CFAP46: variants seen among roughly 807,000 people sequenced by gnomAD.
The protein encoded by CFAP46 is cilia- and flagella-associated protein 46.
In CFAP46, 245 loss-of-function variants were observed where a neutral mutation model predicts 325.7. That is an observed-to-expected ratio of 0.75 (90% confidence interval 0.68 to 0.84). The LOEUF (loss-of-function observed/expected upper bound fraction) is 0.84. CFAP46 is among the 40% of genes least tolerant of loss of function. CFAP46 has a pLI of 0.00. For synonymous variants in CFAP46, 1,523 were observed against 1,495.9 expected, an observed-to-expected ratio of 1.02 and a Z score of -0.42; for missense variants, 3,346 against 3,543.0, an observed-to-expected ratio of 0.94 and a Z score of 1.41.
At position 132,846,242 on chromosome 10, in the gene CFAP46, G is replaced by A; in HGVS notation, c.6268-15C>T. ...GCCGAGCAGCTCTGAAAGGGAGCAG[G>A]GGAGGTGTACCAGGGGCCCGAGGCC... On this transcript the variant is annotated splice_polypyrimidine_tract_variant and intron_variant, in intron 43 of 57. Transcript: ENST00000368586. 1.2e-6 allele frequency: 2 copies of A among 1,609,788 alleles called. No homozygotes were observed. The highest frequency in any genetic ancestry group is 1.7e-6 in the Non-Finnish European group (2 of 1,178,770).
intron 23 of CFAP46, 46 bp from the exon 24 acceptor site, chr10:132,899,167 C>A: frequency 6.6e-7 from 1 of 1,520,228 alleles, no homozygotes; most frequent in Non-Finnish European, 8.8e-7. Context: ...CTGGGCCCAC[C>A]TGGAGCTGCT....
chr10:132,841,239 G>T (rs1327648718), intron 44 of CFAP46, among the ~76,000 whole-genome samples: 1 of 152,334 alleles, frequency 6.6e-6, no homozygotes, highest in Middle Eastern at 3.4e-3. Flanking sequence ...CTCTACTTCC[G>T]ACATACAGCG....
rs1191852690 is a variant in CFAP46 at position 132,828,425 on chromosome 10, C to T, written c.7117+4933G>A. On this transcript the variant is annotated intron_variant, in intron 50 of 57. Coordinates refer to ENST00000368586, the MANE Select transcript of CFAP46 (RefSeq NM_001200049.3). The surrounding 1 kb of genome is among the most constrained non-coding windows in gnomAD (Gnocchi z 4.9). ...GTGCAGGGGTATTCCATTGTGGTTTCCATTTGCATTTCCTTGATAATTAAT... is the reference window on the plus strand; with the variant it reads ...GTGCAGGGGTATTCCATTGTGGTTTTCATTTGCATTTCCTTGATAATTAAT... Among the ~76,000 whole-genome samples, 2 of 152,076 alleles carry T rather than the reference C, an allele frequency of 1.3e-5. No individual in the cohort carries two copies. Among genetic ancestry groups the T allele is most frequent in the East Asian group, 1.9e-4 (1 of 5,182 alleles).
At chr10:132,940,909 G>T in intron 4 of CFAP46, 87 bp downstream of exon 4, 5 of 1,338,290 alleles carry the variant, frequency 3.7e-6, no homozygotes, top group Non-Finnish European at 3.2e-6. Context: ...AAACCCCACA[G>T]TTCAAATAAA....
chr10:132,814,667 G>A lies in CFAP46; in HGVS notation c.7249+19C>T, dbSNP rs776163799. On this transcript the variant is annotated intron_variant, in intron 52 of 57. Transcript: ENST00000368586. Reference sequence around the variant, plus strand: ...ACAGGGCGGGGTCTGGGGCCCCCCCGGGGCCCATCAAAGGATACACTTGAA... The same window carrying A: ...ACAGGGCGGGGTCTGGGGCCCCCCCAGGGCCCATCAAAGGATACACTTGAA... 7.1e-5 allele frequency: 112 copies of A among 1,586,882 alleles called. No homozygotes were observed. Among genetic ancestry groups the A allele is most frequent in the Admixed American group, 3.7e-4 (20 of 54,298 alleles).
chr10:132,908,275 T>C (rs1849487208), intron 22 of CFAP46, 193 bp downstream of exon 22: 1 of 642,954 alleles, frequency 1.6e-6, no homozygotes, highest in South Asian at 1.9e-5. Context: ...AGGCCCGCGC[T>C]CCCTGCCCGT....
At chr10:132,899,474 A>G in intron 23 of CFAP46, 61 bp downstream of exon 23, 1 of 1,483,842 alleles carries the variant, frequency 6.7e-7, no homozygotes, top group Non-Finnish European at 9.0e-7. Flanking sequence ...CTTGGTGAGC[A>G]CAGGGGTCCC....
chr10:132,910,215 G>T (rs771077706), intron 19 of CFAP46, 147 bp from the exon 20 acceptor site: 91 of 702,674 alleles, frequency 1.3e-4, no homozygotes, highest in Non-Finnish European at 1.7e-4. Context: ...CCCACCAGCG[G>T]CTGCACCACA....
At chr10:132,859,358 A>C (rs1848693087) in intron 37 of CFAP46, 111 bp from the exon 38 acceptor site, 3 of 868,544 alleles carry the variant, frequency 3.5e-6, no homozygotes, top group Non-Finnish European at 5.1e-6. Flanking sequence ...TGCTCGGAGA[A>C]ACGCTTTCGG....
chr10:132,844,111 A>G (rs1473479489), intron 44 of CFAP46, among the ~76,000 whole-genome samples: 1 of 119,596 alleles, frequency 8.4e-6, no homozygotes, highest in Non-Finnish European at 1.7e-5. Flanking sequence ...GGGTGTTCCC[A>G]GGGTGCTGTG....
At chr10:132,860,588 G>A in intron 36 of CFAP46, 65 bp from the exon 37 acceptor site, 1 of 1,290,276 alleles carries the variant, frequency 7.8e-7, no homozygotes, top group Non-Finnish European at 1.1e-6. Flanking sequence ...ACAGGCCTGA[G>A]GACGGGCGGG....
intron 50 of CFAP46, among the ~76,000 whole-genome samples, chr10:132,826,565 CA>C (rs1848058241): frequency 2.4e-5 from 3 of 127,264 alleles, no homozygotes; most frequent in Admixed American, 7.6e-5. Context: ...GCCGGAGCCA[CA>C]GAGACCAGCC....
intron 8 of CFAP46, among the ~76,000 whole-genome samples, chr10:132,932,258 C>A: frequency 6.8e-6 from 1 of 147,976 alleles, no homozygotes; most frequent in South Asian, 2.2e-4. Flanking sequence ...CCTTCCTCCT[C>A]CCCACACAGA....
chr10:132,849,298 G>A (rs1848495582), intron 41 of CFAP46, among the ~76,000 whole-genome samples: 1 of 152,228 alleles, frequency 6.6e-6, no homozygotes, highest in South Asian at 2.1e-4. Flanking sequence ...CAATTCACTC[G>A]AGGTACATCA....
chr10:132,834,620 G>C (rs754198854), intron 48 of CFAP46, 34 bp downstream of exon 48: 1 of 1,609,594 alleles, frequency 6.2e-7, no homozygotes, highest in Non-Finnish European at 8.5e-7. Context: ...GCGTGAGCGT[G>C]GTGGGGTGCC....
intron 48 of CFAP46, among the ~76,000 whole-genome samples, chr10:132,834,364 C>A (rs1165788060): frequency 1.3e-5 from 2 of 152,194 alleles, no homozygotes; most frequent in Admixed American, 6.5e-5. Flanking sequence ...TTCCTTCCCA[C>A]CCCAAATCAA....
At chr10:132,859,413 C>T (rs988185016) in intron 37 of CFAP46, among the ~76,000 whole-genome samples, 166 bp from the exon 38 acceptor site, 1 of 152,132 alleles carries the variant, frequency 6.6e-6, no homozygotes, top group East Asian at 1.9e-4. Flanking sequence ...ATTCTGTGAT[C>T]GCATGTGATA....
Position 132,899,231 on chromosome 10 carries a change from C to T in CFAP46, c.3057-110G>A, listed in dbSNP as rs530005627. On this transcript the variant is annotated intron_variant, in intron 23 of 57. Transcript: ENST00000368586. ...CCCAGGGCCCAGCCACACGCTCGCT[C>T]CCTCCTGGGCATGTGGCTTGCTCAG... is the stretch of plus-strand genomic sequence containing the variant. 729 of 1,216,162 alleles carry T rather than the reference C, an allele frequency of 6.0e-4. 12 individuals are homozygous for T. In the South Asian group the frequency reaches 0.01, roughly 17 times the overall value. 75.3% of individuals were successfully genotyped at this position (1,216,162 alleles called of 1,614,324 possible).
intron 39 of CFAP46, among the ~76,000 whole-genome samples, chr10:132,852,754 T>C (rs1848579755): frequency 6.6e-6 from 1 of 152,268 alleles, no homozygotes; most frequent in Admixed American, 6.5e-5. Context: ...TTTTTCTCAG[T>C]TATCTTTTGT....
Sources: gnomAD v4.1 joint callset for allele counts (sites outside exome capture counted in the v4.1 genomes callset) on GRCh38, gnomAD v4.1.1 for gene constraint, Gnocchi (gnomAD v3.1) non-coding constraint, MANE v1.5 for transcripts, NCBI Gene and HGNC (gene_info 2026-07-23, HGNC 2026-07-21) for gene names.